Variants in PA2G4 observed in about 807,000 individuals in gnomAD.
The protein encoded by PA2G4 is proliferation-associated protein 2G4.
A neutral mutation model predicts 53.3 loss-of-function variants in PA2G4; 8 were observed. The ratio of observed to expected loss-of-function variants is 0.15; its 90% CI spans 0.09 to 0.27. The LOEUF (loss-of-function observed/expected upper bound fraction) is 0.27. Among genes scored for constraint, PA2G4 ranks in the 10% least tolerant of loss-of-function variants. The probability of loss-of-function intolerance (pLI) is 1.00; values close to 1 mark genes in which losing one functional copy is unlikely to be tolerated. For missense variants in PA2G4, 208 were observed against 486.8 expected (o/e 0.43, Z 5.39); for synonymous variants, 143 against 169.8 (o/e 0.84, Z 1.23).
At chr12:56,109,417 T>C (rs2136841013) in intron 6 of PA2G4, 124 bp downstream of exon 6, 2 of 616,494 alleles carry the variant, frequency 3.2e-6, no homozygotes, top group Admixed American at 2.3e-5. Context: ...GTCAGGAGTT[T>C]GAGACTAGCC....
chr12:56,112,092 C>G (rs547348704), intron 12 of PA2G4, among the ~76,000 whole-genome samples: 2 of 152,236 alleles, frequency 1.3e-5, no homozygotes, highest in East Asian at 3.9e-4. Flanking sequence ...CCGGCCTGCG[C>G]AACAAGAGCG....
intron 5 of PA2G4, among the ~76,000 whole-genome samples, chr12:56,108,570 A>G (rs1018848197): frequency 3.3e-5 from 5 of 152,246 alleles, no homozygotes; most frequent in African/African-American, 1.2e-4. Flanking sequence ...CATGTGTTAG[A>G]TAATTCTGCC....
At chr12:56,109,204 C>T in intron 5 of PA2G4, 26 bp from the exon 6 acceptor site, 1 of 1,551,062 alleles carries the variant, frequency 6.4e-7, no homozygotes, top group Non-Finnish European at 8.9e-7. Flanking sequence ...TGATATCTCA[C>T]CTTTCATTTG....
At chr12:56,106,945 C>G in intron 2 of PA2G4, 45 bp from the exon 3 acceptor site, 1 of 1,502,136 alleles carries the variant, frequency 6.7e-7, no homozygotes, top group Non-Finnish European at 9.2e-7. Flanking sequence ...CACTAGGGCT[C>G]CCGGGAGACA....
chr12:56,106,570 A>T lies in PA2G4; in HGVS notation c.89-18A>T. On this transcript the variant is annotated intron_variant, in intron 1 of 12. Transcript: ENST00000303305. ...AATGAATACATACAAGGCTGACATG[A>T]TGGGATTCTGTCCTCAGGGGTACTT... 1 of 1,540,822 alleles carries T rather than the reference A, an allele frequency of 6.5e-7. No individual in the cohort carries two copies. Among genetic ancestry groups the T allele is most frequent in the Non-Finnish European group, 8.7e-7 (1 of 1,152,548 alleles).
intron 1 of PA2G4, chr12:56,105,096 G>C (rs1869268504): frequency 1.5e-6 from 1 of 681,742 alleles, no homozygotes; most frequent in African/African-American, 1.8e-5. Flanking sequence ...CGTTTGTTAG[G>C]AGGCAAGACG....
intron 5 of PA2G4, among the ~76,000 whole-genome samples, 158 bp from the exon 6 acceptor site, chr12:56,109,072 G>A (rs1869360765): frequency 6.8e-6 from 1 of 146,032 alleles, no homozygotes; most frequent in Non-Finnish European, 1.5e-5. Flanking sequence ...ATTGCAGTGA[G>A]CCAAGATCAC....
At chr12:56,109,076 A>C (rs1159566180) in intron 5 of PA2G4, among the ~76,000 whole-genome samples, 154 bp from the exon 6 acceptor site, 2 of 150,520 alleles carry the variant, frequency 1.3e-5, no homozygotes, top group African/African-American at 4.9e-5. Context: ...CAGTGAGCCA[A>C]GATCACGCCA....
At chr12:56,112,066 A>T (rs1869438155) in intron 12 of PA2G4, among the ~76,000 whole-genome samples, 1 of 152,140 alleles carries the variant, frequency 6.6e-6, no homozygotes, top group South Asian at 2.1e-4. Context: ...GTGGGCCGAG[A>T]TCGCACCATT....
intron 5 of PA2G4, among the ~76,000 whole-genome samples, chr12:56,107,921 A>G (rs1869335026): frequency 6.6e-6 from 1 of 152,112 alleles, no homozygotes; most frequent in African/African-American, 2.4e-5. Flanking sequence ...CCCAGCTTCC[A>G]GGGAGGCTGA....
In PA2G4 at chr12:56,111,646, T is replaced by C. The variant is rs112846323; in HGVS notation, c.1119+117T>C. On this transcript the variant is annotated intron_variant, in intron 12 of 12. Transcript: ENST00000303305. Reference sequence around the variant, plus strand: ...TACAGATGCTCCTCAACTTATATGATAGAACTTTGTCCCAGTAAACCCATC... The same window carrying C: ...TACAGATGCTCCTCAACTTATATGACAGAACTTTGTCCCAGTAAACCCATC... 153 of 868,614 alleles carry C rather than the reference T, an allele frequency of 1.8e-4. 3 individuals carry two copies. The African/African-American group carries it at 1.8e-3, about 10-fold the overall frequency. 53.8% of individuals were successfully genotyped at this position (868,614 alleles called of 1,614,324 possible).
rs1406144418 is a variant in PA2G4, at chr12:56,110,708, A to G, written c.842+16A>G. The G allele has an allele frequency of 3.1e-6, 5 of 1,613,812 alleles. No individual in the cohort carries two copies. Among genetic ancestry groups the G allele is most frequent in the Non-Finnish European group, 3.4e-6 (4 of 1,179,818 alleles). ...TTACTTTAAGGTACTAAGCAATGAT[A>G]GTACTTGGAACCAGTCTGACTCACA... On this transcript the variant is annotated intron_variant, in intron 9 of 12. Coordinates refer to ENST00000303305, the MANE Select transcript of PA2G4 (RefSeq NM_006191.3).
chr12:56,109,955 A>C lies in PA2G4; in HGVS notation c.629+20A>C. 1 of 1,550,288 alleles carries C rather than the reference A, an allele frequency of 6.5e-7. No individual in the cohort carries two copies. The highest frequency in any genetic ancestry group is 8.9e-7 in the Non-Finnish European group (1 of 1,121,672). ...GCAGAAGTAGGTGCCAACCCTACTT[A>C]TTACCTTCTACCACACAAGACTAGT... On this transcript the variant is annotated intron_variant, in intron 7 of 12. Coordinates refer to ENST00000303305, the MANE Select transcript of PA2G4 (RefSeq NM_006191.3).
intron 4 of PA2G4, 111 bp from the exon 5 acceptor site, chr12:56,107,410 C>T: frequency 1.0e-6 from 1 of 992,286 alleles, no homozygotes; most frequent in Admixed American, 1.8e-5. Context: ...TTGTTTTTAC[C>T]CTCCTGTTCA....
At position 56,113,578 on chromosome 12, in the gene PA2G4, T is replaced by C; in HGVS notation, c.*690T>C. On this transcript the variant is annotated 3_prime_UTR_variant, in exon 13 of 13. Coordinates refer to ENST00000303305, the MANE Select transcript of PA2G4 (RefSeq NM_006191.3). ...TAATCCATCTCAACCTTACCCTTTT[T>C]CTCTGGAGTCAGTGGGGTCTTTCCT... is the stretch of plus-strand genomic sequence containing the variant. 2.3e-6 allele frequency: 1 copy of C among 440,098 alleles called. No individual in the cohort carries two copies. The allele number at this position is 440,098 out of a possible 1,614,324, so 27.3% of individuals were successfully genotyped here. A position where few individuals can be genotyped will look rare whatever the true frequency, so the allele number is the denominator to read the frequency against.
chr12:56,113,723 A>G lies in PA2G4; in HGVS notation c.*835A>G. The stretch of plus-strand genomic sequence containing the variant: ...AACCAGAGGCGTAGACTGACTGAAG[A>G]CACAACTCCTGGCTTTCTGAAGCTA... On this transcript the variant is annotated 3_prime_UTR_variant, in exon 13 of 13. Coordinates refer to ENST00000303305, the MANE Select transcript of PA2G4 (RefSeq NM_006191.3). 1 of 648,988 alleles carries G rather than the reference A, an allele frequency of 1.5e-6. No individual in the cohort carries two copies. The highest frequency in any genetic ancestry group is 2.8e-6 in the Non-Finnish European group (1 of 362,776). The allele number at this position is 648,988 out of a possible 1,614,324, so 40.2% of individuals were successfully genotyped here.
rs1869427750 is a variant in PA2G4, at chr12:56,111,632, C to T, written c.1119+103C>T. On this transcript the variant is annotated intron_variant, in intron 12 of 12. Transcript: ENST00000303305. ...AATACGGATTTTTATACAGATGCTCCTCAACTTATATGATAGAACTTTGTC... is the reference window on the plus strand; with the variant it reads ...AATACGGATTTTTATACAGATGCTCTTCAACTTATATGATAGAACTTTGTC... 3.0e-6 allele frequency: 3 copies of T among 983,798 alleles called. No individual in the cohort carries two copies. The Admixed American group carries it at 5.8e-5, about 19-fold the overall frequency. 60.9% of individuals were successfully genotyped at this position (983,798 alleles called of 1,614,324 possible). A position where few individuals can be genotyped will look rare whatever the true frequency, so the allele number is the denominator to read the frequency against.
At chr12:56,105,911 G>A (rs559529688) in intron 1 of PA2G4, among the ~76,000 whole-genome samples, 1 of 152,150 alleles carries the variant, frequency 6.6e-6, no homozygotes, top group Non-Finnish European at 1.5e-5. Flanking sequence ...AGCTTTCAAA[G>A]AATCACCAAA....
At chr12:56,105,931 C>T (rs78948754) in intron 1 of PA2G4, among the ~76,000 whole-genome samples, 2,570 of 152,234 alleles carry the variant, frequency 0.017, 45 homozygotes, top group South Asian at 0.047. Context: ...AACTGAGATA[C>T]CAAAAGTCAA....
Sources: gnomAD v4.1 joint callset for allele counts (sites outside exome capture counted in the v4.1 genomes callset) on GRCh38, gnomAD v4.1.1 for gene constraint, MANE v1.5 for transcripts, NCBI Gene and HGNC (gene_info 2026-07-23, HGNC 2026-07-21) for gene names.